Variants in LYPD6 observed in about 807,000 individuals in gnomAD.
The protein encoded by LYPD6 is LY6/PLAUR domain containing 6.
In LYPD6, 15 loss-of-function variants were observed where a neutral mutation model predicts 22.7. The observed-to-expected ratio is 0.66, with a 90% confidence interval of 0.44 to 1.02. LYPD6 has a LOEUF of 1.02. Ranked by LOEUF, LYPD6 falls within the 50% of genes least tolerant of loss-of-function variation. The probability of loss-of-function intolerance (pLI) is 0.00; values close to 1 mark genes in which losing one functional copy is unlikely to be tolerated. For missense variants in LYPD6, 189 were observed against 208.4 expected, an observed-to-expected ratio of 0.91 and a Z score of 0.57; for synonymous variants, 72 against 77.5, an observed-to-expected ratio of 0.93 and a Z score of 0.37.
At chr2:149,422,730 TAC>T (rs1325708655) in intron 1 of LYPD6, among the ~76,000 whole-genome samples, 1 of 152,142 alleles carries the variant, frequency 6.6e-6, no homozygotes, top group Non-Finnish European at 1.5e-5. Context: ...TGACATTTTA[TAC>T]CCTTTGACCA....
intron 1 of LYPD6, among the ~76,000 whole-genome samples, chr2:149,427,686 T>G (rs969191821): frequency 5.3e-5 from 8 of 152,210 alleles, no homozygotes; most frequent in South Asian, 2.1e-4. Context: ...CCAACAGTAA[T>G]CCCATACGAT....
intron 1 of LYPD6, among the ~76,000 whole-genome samples, chr2:149,414,879 G>A (rs1682928340): frequency 6.6e-6 from 1 of 152,226 alleles, no homozygotes; most frequent in South Asian, 2.1e-4. Context: ...GTGGACACCA[G>A]CTGGCAGGCA....
chr2:149,380,639 G>A (rs2377376), intron 1 of LYPD6, among the ~76,000 whole-genome samples: 29,715 of 152,022 alleles, frequency 0.2, 4,334 homozygotes, highest in East Asian at 0.71. Context: ...GTTTTATAAG[G>A]GCATGAGACC....
chr2:149,346,690 T>C (rs551697459), intron 1 of LYPD6, among the ~76,000 whole-genome samples: 6 of 152,298 alleles, frequency 3.9e-5, no homozygotes, highest in East Asian at 1.9e-4. Flanking sequence ...GTCTCTGTTA[T>C]TAAAAACTAG....
At chr2:149,375,511 C>T (rs1681898691) in intron 1 of LYPD6, among the ~76,000 whole-genome samples, 2 of 152,082 alleles carry the variant, frequency 1.3e-5, no homozygotes, top group South Asian at 4.2e-4. Flanking sequence ...GTTCTTTGAC[C>T]CTGAAATCCC....
chr2:149,437,921 A>G, intron 2 of LYPD6, 95 bp downstream of exon 2: 1 of 1,364,512 alleles, frequency 7.3e-7, no homozygotes, highest in Non-Finnish European at 1.0e-6. Context: ...CAGTATAGTG[A>G]AAACCTCCCG....
chr2:149,376,661 T>C (rs918150350), intron 1 of LYPD6, among the ~76,000 whole-genome samples: 3 of 152,212 alleles, frequency 2.0e-5, no homozygotes, highest in Non-Finnish European at 4.4e-5. Context: ...TAAAAATATA[T>C]TACTGGGTAC....
At chr2:149,449,971 A>G (rs755268829) in intron 3 of LYPD6, among the ~76,000 whole-genome samples, 10 of 152,218 alleles carry the variant, frequency 6.6e-5, no homozygotes, top group Non-Finnish European at 1.0e-4. Context: ...ATTATATAAG[A>G]GTTCTCATAC....
intron 2 of LYPD6, among the ~76,000 whole-genome samples, chr2:149,444,604 A>G (rs141906027): frequency 7.9e-5 from 12 of 152,242 alleles, no homozygotes; most frequent in Admixed American, 5.2e-4. Context: ...TGTCATTTCA[A>G]CAATGTTCAC....
chr2:149,444,153 C>T (rs554458595), intron 2 of LYPD6, among the ~76,000 whole-genome samples: 2 of 152,026 alleles, frequency 1.3e-5, no homozygotes, highest in African/African-American at 2.4e-5. Flanking sequence ...AGGCTGGTCT[C>T]GAACTTGTGA....
intron 1 of LYPD6, among the ~76,000 whole-genome samples, chr2:149,371,108 A>G (rs932854711): frequency 6.6e-6 from 1 of 152,222 alleles, no homozygotes; most frequent in African/African-American, 2.4e-5. Context: ...TCTGTTGCCC[A>G]GGTTGAAGAG....
intron 1 of LYPD6, among the ~76,000 whole-genome samples, chr2:149,394,634 C>G (rs1192315714): frequency 1.3e-5 from 2 of 152,022 alleles, no homozygotes; most frequent in Non-Finnish European, 2.9e-5. Context: ...TCATATATCT[C>G]TCTCTCTTTC....
rs75095946 is a variant in LYPD6, at chr2:149,428,870, A to G, written c.-71-8768A>G. 7.9e-3 allele frequency among the ~76,000 whole-genome samples: 1,202 copies of G among 152,310 alleles called. 8 individuals are homozygous for G. Among genetic ancestry groups the G allele is most frequent in the African/African-American group, 0.028 (1,162 of 41,564 alleles). On this transcript the variant is annotated intron_variant, in intron 1 of 4. Transcript: ENST00000334166. ...AGAGAAGAAAATAGGTAACGTTCCT[A>G]CTTGTCAATAGGTAACATGTCAGTG...
chr2:149,363,757 A>G (rs1681611917), intron 1 of LYPD6, among the ~76,000 whole-genome samples: 3 of 152,192 alleles, frequency 2.0e-5, no homozygotes, highest in African/African-American at 4.8e-5. Context: ...CACTACACAT[A>G]TGCTATTTAT....
intron 1 of LYPD6, among the ~76,000 whole-genome samples, chr2:149,350,558 G>T (rs1327184070): frequency 6.6e-6 from 1 of 152,116 alleles, no homozygotes. Context: ...GAAACCCTGT[G>T]GACTCTCTAG....
chr2:149,432,603 G>A (rs1181813151), intron 1 of LYPD6, among the ~76,000 whole-genome samples: 1 of 152,188 alleles, frequency 6.6e-6, no homozygotes, highest in East Asian at 1.9e-4. Context: ...CTACACCAAG[G>A]TGCAGGCCTT....
At chr2:149,446,039 C>G (rs945950599) in intron 2 of LYPD6, among the ~76,000 whole-genome samples, 1 of 152,132 alleles carries the variant, frequency 6.6e-6, no homozygotes, top group Non-Finnish European at 1.5e-5. Context: ...ACTAGTTGGC[C>G]TAATTTCAGT....
chr2:149,421,373 GA>G (rs1559146280), intron 1 of LYPD6, among the ~76,000 whole-genome samples: 1 of 131,426 alleles, frequency 7.6e-6, no homozygotes, highest in African/African-American at 2.9e-5. Context: ...CTGGGTGACA[GA>G]GCAAGACTCC....
chr2:149,443,628 C>A (rs892716139), intron 2 of LYPD6, among the ~76,000 whole-genome samples: 1 of 151,918 alleles, frequency 6.6e-6, no homozygotes, highest in Non-Finnish European at 1.5e-5. Flanking sequence ...TTTAATGTAT[C>A]CAGTCAGGAC....
Sources: allele counts gnomAD v4.1 joint callset (sites outside exome capture counted in the v4.1 genomes callset), GRCh38; gene constraint gnomAD v4.1.1; transcripts MANE v1.5; gene names NCBI Gene and HGNC (gene_info 2026-07-23, HGNC 2026-07-21).